Variants in ZFP37 observed in about 807,000 individuals in gnomAD.
The protein encoded by ZFP37 is ZFP37 zinc finger protein, also known as zinc finger protein 37 homolog.
A neutral mutation model predicts 52.1 loss-of-function variants in ZFP37; 38 were observed. The ratio of observed to expected loss-of-function variants is 0.73; its 90% CI spans 0.56 to 0.96. The LOEUF is 0.96. Among genes scored for constraint, ZFP37 ranks in the 40% least tolerant of loss-of-function variants. ZFP37 has a pLI of 0.00. For missense variants in ZFP37, 695 were observed against 741.4 expected (o/e 0.94, Z 0.73); for synonymous variants, 253 against 259.5 (o/e 0.98, Z 0.24).
At position 113,044,182 on chromosome 9, in the gene ZFP37, G is replaced by A; in HGVS notation, c.436C>T (p.Gln146Ter). The A allele has an allele frequency of 6.2e-7, 1 of 1,606,658 alleles. No individual in the cohort carries two copies. Among genetic ancestry groups the A allele is most frequent in the African/African-American group, 1.3e-5 (1 of 74,472 alleles). ...LREVAVKKKT[Q>*]AKKNGSDCGS... ...CAGTCACTGCCATTCTTCTTAGCTT[G>A]AGTTTTCTTCTTGACTGCAACTTCC... Residue 146 changes from glutamine (Q) to a stop codon, truncating the protein, a stop_gained, in exon 4 of 4, where the codon CAA (glutamine) becomes TAA (stop). Coordinates refer to ENST00000374227, the MANE Select transcript of ZFP37 (RefSeq NM_003408.3). LOFTEE classifies it high-confidence loss of function.
rs1338537735 is a variant in ZFP37, at chr9:113,038,810, T to C, written c.*3915A>G. ...CAAAATAAAACAAAAAAAGAAAGAT[T>C]CAATTTCCTCAAGCCACCTGAAACT... is the stretch of plus-strand genomic sequence containing the variant. On this transcript the variant is annotated 3_prime_UTR_variant, in exon 4 of 4. Coordinates refer to ENST00000374227, the MANE Select transcript of ZFP37 (RefSeq NM_003408.3). 6.6e-6 allele frequency: 1 copy of C among 151,956 alleles called. No individual in the cohort carries two copies. The highest frequency in any genetic ancestry group is 1.5e-5 in the Non-Finnish European group (1 of 67,978). 9.4% of individuals were successfully genotyped at this position (151,956 alleles called of 1,614,324 possible). A position where few individuals can be genotyped will look rare whatever the true frequency, so the allele number is the denominator to read the frequency against.
chr9:113,043,094 C>G lies in ZFP37; in HGVS notation c.1524G>C (p.Met508Ile). 1 of 1,613,610 alleles carries G rather than the reference C, an allele frequency of 6.2e-7. No individual in the cohort carries two copies. The highest frequency in any genetic ancestry group is 8.5e-7 in the Non-Finnish European group (1 of 1,179,950). Residue 508 changes from methionine (M) to isoleucine (I), a missense_variant, in exon 4 of 4, where the codon ATG becomes ATC. This residue lies in a region of ZFP37 where 326 missense variants were observed against 400.5 expected (regional missense o/e 0.81). Transcript: ENST00000374227. ...AGGGACTTTCACCTGTATGAGTTCT[C>G]ATATGGTAAGTAAGAGATGAGCTAT... is the stretch of plus-strand genomic sequence containing the variant. ...FGHSSSLTYH[M>I]RTHTGESPFE...
chr9:113,046,032 G>A lies in ZFP37; in HGVS notation c.350-1764C>T, dbSNP rs138276187. Among the ~76,000 whole-genome samples, 154 of 151,870 alleles carry A rather than the reference G, an allele frequency of 1.0e-3. 1 individual carries two copies. Among genetic ancestry groups the A allele is most frequent in the African/African-American group, 3.4e-3 (143 of 41,454 alleles). On this transcript the variant is annotated intron_variant, in intron 3 of 3. Transcript: ENST00000374227. ...CTGGACTCAAACCAAAAAGAGTTAC[G>A]GTATCTGAATGGATAGAAAGGAAAT... is the stretch of plus-strand genomic sequence containing the variant.
chr9:113,048,758 C>A (rs1262978662), intron 3 of ZFP37, among the ~76,000 whole-genome samples: 1 of 152,132 alleles, frequency 6.6e-6, no homozygotes, highest in Non-Finnish European at 1.5e-5. Context: ...GCGCACTTCC[C>A]AGTGGAAGGA....
intron 1 of ZFP37, among the ~76,000 whole-genome samples, chr9:113,050,889 T>C (rs1261497142): frequency 7.0e-6 from 1 of 143,740 alleles, no homozygotes; most frequent in Non-Finnish European, 1.5e-5. Flanking sequence ...AGAGACTCCA[T>C]CTCAAAAAAA....
chr9:113,053,592 T>C (rs1829093644), intron 1 of ZFP37, among the ~76,000 whole-genome samples: 1 of 152,182 alleles, frequency 6.6e-6, no homozygotes, highest in South Asian at 2.1e-4. Flanking sequence ...TTGAACATTC[T>C]CCTTTTTAAC....
At position 113,038,620 on chromosome 9, in the gene ZFP37, CA is replaced by C. The variant is rs60269886; in HGVS notation, c.*4104del. 78,021 of 135,188 alleles carry C rather than the reference CA, an allele frequency of 0.58. 21,398 individuals carry two copies. Among genetic ancestry groups the C allele is most frequent in the African/African-American group, 0.67 (24,566 of 36,516 alleles). The allele number at this position is 135,188 out of a possible 1,614,324, so 8.4% of individuals were successfully genotyped here. A position where few individuals can be genotyped will look rare whatever the true frequency, so the allele number is the denominator to read the frequency against. On this transcript the variant is annotated 3_prime_UTR_variant, in exon 4 of 4. Transcript: ENST00000374227. ...TAACATGGCAAAACTCTGTTTCCAC[CA>C]AAAAAAAAAAAAAAAAATTAGCTTG...
rs1828814029 is a variant in ZFP37, at chr9:113,039,523, T to C, written c.*3202A>G. 6.6e-6 allele frequency: 1 copy of C among 152,164 alleles called. No individual in the cohort carries two copies. Among genetic ancestry groups the C allele is most frequent in the Non-Finnish European group, 1.5e-5 (1 of 68,056 alleles). The allele number at this position is 152,164 out of a possible 1,614,324, so 9.4% of individuals were successfully genotyped here. A position where few individuals can be genotyped will look rare whatever the true frequency, so the allele number is the denominator to read the frequency against. On this transcript the variant is annotated 3_prime_UTR_variant, in exon 4 of 4. Transcript: ENST00000374227. ...AAGTAAGCTTACTGCCTGCTTCCCA[T>C]CACTATATTTAAAATTACATTCCCC...
At chr9:113,055,327 G>A (rs1829121983) in intron 1 of ZFP37, among the ~76,000 whole-genome samples, 1 of 152,146 alleles carries the variant, frequency 6.6e-6, no homozygotes, top group African/African-American at 2.4e-5. Context: ...CAATCACTCT[G>A]TACCACACCA....
intron 3 of ZFP37, among the ~76,000 whole-genome samples, chr9:113,048,006 A>AG (rs1828989104): frequency 6.6e-6 from 1 of 152,244 alleles, no homozygotes; most frequent in African/African-American, 2.4e-5. Flanking sequence ...ACAAAACCTT[A>AG]GGGACACCTC....
In ZFP37 at chr9:113,049,497, C is replaced by A; in HGVS notation, c.215-1G>T. The stretch of plus-strand genomic sequence containing the variant: ...ATGTCTGGTTTGGGAGCTTGACACC[C>A]TGCTCATGAGAAATAGCAGAAACTG... On this transcript the variant is annotated splice_acceptor_variant, in intron 2 of 3. Coordinates refer to ENST00000374227, the MANE Select transcript of ZFP37 (RefSeq NM_003408.3). LOFTEE classifies it high-confidence loss of function. The A allele has an allele frequency of 1.2e-6, 2 of 1,611,524 alleles. No individual in the cohort carries two copies. The highest frequency in any genetic ancestry group is 2.2e-5 in the South Asian group (2 of 90,734).
rs139600395 is a variant in ZFP37 at position 113,043,248 on chromosome 9, C to G, written c.1370G>C (p.Gly457Ala). The change falls in exon 4 of 4, where the codon GGT becomes GCT. Residue 457 changes from glycine (G) to alanine (A), a missense_variant. Coordinates refer to ENST00000374227, the MANE Select transcript of ZFP37 (RefSeq NM_003408.3). The stretch of plus-strand genomic sequence containing the variant: ...TTCATTACATTCAAAGGGTTTCTCA[C>G]CTGTATGAATTCTCATGTGTTTAGT... ...SLTKHMRIHTGEKPFECNECG... is the reference protein window; with the variant it reads ...SLTKHMRIHTAEKPFECNECG... 1.2e-6 allele frequency: 2 copies of G among 1,613,828 alleles called. No individual in the cohort carries two copies. The highest frequency in any genetic ancestry group is 8.5e-7 in the Non-Finnish European group (1 of 1,179,964).
rs1197379408 is a variant in ZFP37, at chr9:113,056,556, C to T, written c.132+1G>A. The T allele has an allele frequency of 1.2e-6, 2 of 1,613,452 alleles. No homozygotes were observed. The highest frequency in any genetic ancestry group is 1.7e-5 in the Admixed American group (1 of 60,018). The stretch of plus-strand genomic sequence containing the variant: ...ACACCCTGTCTCATCACAGCTCTCA[C>T]CGCGGCGCTGGCCTCGGGCTCGGAC... On this transcript the variant is annotated splice_donor_variant, in intron 1 of 3. Coordinates refer to ENST00000374227, the MANE Select transcript of ZFP37 (RefSeq NM_003408.3). LOFTEE classifies it high-confidence loss of function.
chr9:113,051,896 G>A (rs1371701415), intron 1 of ZFP37, among the ~76,000 whole-genome samples: 16 of 151,910 alleles, frequency 1.1e-4, no homozygotes, highest in Non-Finnish European at 1.8e-4. Context: ...CTAATTACTG[G>A]GCCTATAGTT....
chr9:113,046,616 A>C lies in ZFP37; in HGVS notation c.350-2348T>G, dbSNP rs138265956. Among the ~76,000 whole-genome samples the C allele has an allele frequency of 4.0e-3, 604 of 152,326 alleles. 3 individuals are homozygous for C. Among genetic ancestry groups the C allele is most frequent in the African/African-American group, 0.014 (579 of 41,568 alleles). The stretch of plus-strand genomic sequence containing the variant: ...GAAAGGAGGAGAATTTGAACGAGTA[A>C]ATTGGTATAGTAATATGGGTCTGGA... On this transcript the variant is annotated intron_variant, in intron 3 of 3. Transcript: ENST00000374227.
At position 113,043,912 on chromosome 9, in the gene ZFP37, G is replaced by A. The variant is rs183576749; in HGVS notation, c.706C>T (p.His236Tyr). The A allele has an allele frequency of 1.2e-6, 2 of 1,614,014 alleles. No individual in the cohort carries two copies. Among genetic ancestry groups the A allele is most frequent in the Admixed American group, 1.7e-5 (1 of 60,012 alleles). Residue 236 changes from histidine to tyrosine, a missense_variant, in exon 4 of 4, where the codon CAT (histidine) becomes TAT (tyrosine). His to Tyr is a moderately conservative substitution (Grantham distance 83). Around this residue, in one of 2 missense-constraint regions of ZFP37, gnomAD observed 369 missense variants for 340.9 expected, o/e 1.08. Transcript: ENST00000374227. ...TGKKHEKLSS[H>Y]SSSDKCNKTG... ...TTGTTACACTTATCAGATGAGCTAT[G>A]GCTGGATAATTTCTCATGTTTCTTT...
intron 1 of ZFP37, among the ~76,000 whole-genome samples, chr9:113,055,493 T>C (rs111542324): frequency 2.6e-5 from 4 of 152,340 alleles, no homozygotes; most frequent in African/African-American, 7.2e-5. Context: ...CATTCCCTGG[T>C]TTTGAGGACA....
rs919788698 is a variant in ZFP37, at chr9:113,039,994, G to T, written c.*2731C>A. Reference sequence around the variant, plus strand: ...CCAATATGTCTGTGACGAGGCCCAAGAATTTGCATTCTCAAGTCTGTGTTT... The same window carrying T: ...CCAATATGTCTGTGACGAGGCCCAATAATTTGCATTCTCAAGTCTGTGTTT... On this transcript the variant is annotated 3_prime_UTR_variant, in exon 4 of 4. Transcript: ENST00000374227. The T allele has an allele frequency of 2.6e-5, 4 of 152,130 alleles. No individual in the cohort carries two copies. The highest frequency in any genetic ancestry group is 9.7e-5 in the African/African-American group (4 of 41,424). The allele number at this position is 152,130 out of a possible 1,614,324, so 9.4% of individuals were successfully genotyped here.
Position 113,041,443 on chromosome 9 carries a change from T to C in ZFP37, c.*1282A>G, listed in dbSNP as rs1554769869. 1.3e-5 allele frequency: 2 copies of C among 152,198 alleles called. No individual in the cohort carries two copies. Among genetic ancestry groups the C allele is most frequent in the Non-Finnish European group, 1.5e-5 (1 of 68,026 alleles). The allele number at this position is 152,198 out of a possible 1,614,324, so 9.4% of individuals were successfully genotyped here. On this transcript the variant is annotated 3_prime_UTR_variant, in exon 4 of 4. Transcript: ENST00000374227. ...AGCGAGAACAGGGAGGGGTGACATT[T>C]GTTTCATTCGAATTCCCTGATTGAG...
Sources: gnomAD v4.1 joint callset for allele counts (sites outside exome capture counted in the v4.1 genomes callset) on GRCh38, gnomAD v4.1.1 for gene constraint, gnomAD v4.1.1 regional missense constraint, MANE v1.5 for transcripts, NCBI Gene and HGNC (gene_info 2026-07-23, HGNC 2026-07-21) for gene names.